Variants in KCNMB2 observed in about 807,000 individuals in gnomAD.
KCNMB2 encodes calcium-activated potassium channel subunit beta-2.
Under a neutral mutation model 24.5 loss-of-function variants are expected in KCNMB2, and 9 were observed. The ratio of observed to expected loss-of-function variants is 0.37; its 90% confidence interval spans 0.22 to 0.64. The LOEUF is 0.64. Ranked by LOEUF, KCNMB2 falls within the 30% of genes least tolerant of loss-of-function variation. KCNMB2 has a pLI of 0.63. For missense variants in KCNMB2, 226 were observed against 284.3 expected, an observed-to-expected ratio of 0.79 and a Z score of 1.47; for synonymous variants, 109 against 104.4, an observed-to-expected ratio of 1.04 and a Z score of -0.27.
At chr3:178,658,274 T>G (rs1720411352) in intron 1 of KCNMB2, among the ~76,000 whole-genome samples, 2 of 152,232 alleles carry the variant, frequency 1.3e-5, no homozygotes, top group South Asian at 4.1e-4. Context: ...GTTGTCAAAC[T>G]TCCAAAGTAT....
intron 1 of KCNMB2, among the ~76,000 whole-genome samples, chr3:178,736,398 G>C (rs575964910): frequency 6.6e-6 from 1 of 152,284 alleles, no homozygotes; most frequent in South Asian, 2.1e-4. Flanking sequence ...GCTAGACTGA[G>C]ACTCCTGCAT....
At chr3:178,702,428 T>C (rs1722134085) in intron 1 of KCNMB2, among the ~76,000 whole-genome samples, 1 of 150,214 alleles carries the variant, frequency 6.7e-6, no homozygotes, top group Non-Finnish European at 1.5e-5. Context: ...ACTTAAAAAG[T>C]ATAATAAATA....
intron 1 of KCNMB2, among the ~76,000 whole-genome samples, chr3:178,746,248 C>T (rs1723662814): frequency 6.6e-6 from 1 of 152,202 alleles, no homozygotes; most frequent in Admixed American, 6.5e-5. Context: ...TGTGTACTGG[C>T]AGTCTCAATA....
At chr3:178,766,610 T>C (rs553849153) in intron 1 of KCNMB2, among the ~76,000 whole-genome samples, 1 of 152,362 alleles carries the variant, frequency 6.6e-6, no homozygotes, top group Non-Finnish European at 1.5e-5. Context: ...ACTTCGTGCA[T>C]ATTTCTGATA....
chr3:178,621,845 C>G (rs551953517), intron 1 of KCNMB2, among the ~76,000 whole-genome samples: 2 of 152,276 alleles, frequency 1.3e-5, no homozygotes, highest in East Asian at 3.9e-4. Context: ...TTGGAAGTGA[C>G]TGCTCTTACC....
At chr3:178,553,685 G>A (rs1716031926) in intron 1 of KCNMB2, among the ~76,000 whole-genome samples, 2 of 151,922 alleles carry the variant, frequency 1.3e-5, no homozygotes, top group Admixed American at 6.6e-5. Context: ...TTATGGGCGC[G>A]CATGCTATCA....
At chr3:178,738,743 C>G (rs1035192847) in intron 1 of KCNMB2, among the ~76,000 whole-genome samples, 2 of 152,188 alleles carry the variant, frequency 1.3e-5, no homozygotes, top group African/African-American at 4.8e-5. Context: ...ACCTGCCTCC[C>G]AGCCCATTAG....
chr3:178,715,059 G>C (rs761607953), intron 1 of KCNMB2, among the ~76,000 whole-genome samples: 1 of 152,140 alleles, frequency 6.6e-6, no homozygotes, highest in African/African-American at 2.4e-5. Context: ...GATTTTGAAG[G>C]TTCCAGCCTA....
At chr3:178,709,212 CAGG>C (rs1411736662) in intron 1 of KCNMB2, among the ~76,000 whole-genome samples, 3 of 152,136 alleles carry the variant, frequency 2.0e-5, no homozygotes, top group African/African-American at 7.2e-5. Context: ...AAAATTCAAA[CAGG>C]AGGATTAACA....
chr3:178,546,390 G>A (rs1039521594), intron 1 of KCNMB2, among the ~76,000 whole-genome samples: 3 of 152,218 alleles, frequency 2.0e-5, no homozygotes, highest in African/African-American at 7.2e-5. Flanking sequence ...ATATAAAGTT[G>A]TAATTTTGAT....
chr3:178,678,206 G>A (rs1577090907), intron 1 of KCNMB2, among the ~76,000 whole-genome samples: 1 of 152,134 alleles, frequency 6.6e-6, no homozygotes, highest in Non-Finnish European at 1.5e-5. Context: ...TGAGACCAGT[G>A]CTTCCTTAGC....
intron 1 of KCNMB2, among the ~76,000 whole-genome samples, chr3:178,688,530 C>T (rs1217251791): frequency 6.6e-6 from 1 of 152,146 alleles, no homozygotes; most frequent in Non-Finnish European, 1.5e-5. Flanking sequence ...AAGCTGAAGA[C>T]TCCATAACAA....
At chr3:178,654,160 TA>T (rs1410416102) in intron 1 of KCNMB2, among the ~76,000 whole-genome samples, 1 of 152,170 alleles carries the variant, frequency 6.6e-6, no homozygotes, top group African/African-American at 2.4e-5. Flanking sequence ...TATTATATTA[TA>T]AACTTATTTT....
At chr3:178,755,434 G>C (rs6798237) in intron 1 of KCNMB2, among the ~76,000 whole-genome samples, 25,484 of 152,188 alleles carry the variant, frequency 0.17, 2,496 homozygotes, top group African/African-American at 0.25. Flanking sequence ...GCTTAATGTA[G>C]AGTAGGAAAA....
At chr3:178,560,118 G>T (rs1716264032) in intron 1 of KCNMB2, among the ~76,000 whole-genome samples, 1 of 148,980 alleles carries the variant, frequency 6.7e-6, no homozygotes, top group African/African-American at 2.4e-5. Flanking sequence ...TATAAATTAA[G>T]AACCACAAGA....
At chr3:178,588,358 T>G (rs1271510768) in intron 1 of KCNMB2, among the ~76,000 whole-genome samples, 3 of 152,216 alleles carry the variant, frequency 2.0e-5, no homozygotes, top group East Asian at 3.9e-4. Flanking sequence ...GATTAACAAT[T>G]TTCAGGGAAC....
At chr3:178,669,191 G>A (rs1720817911) in intron 1 of KCNMB2, among the ~76,000 whole-genome samples, 1 of 152,162 alleles carries the variant, frequency 6.6e-6, no homozygotes, top group African/African-American at 2.4e-5. Context: ...TCAAACATAA[G>A]TGAAGATGGA....
intron 2 of KCNMB2, among the ~76,000 whole-genome samples, chr3:178,816,831 T>C (rs1457591378): frequency 6.6e-6 from 1 of 152,134 alleles, no homozygotes; most frequent in African/African-American, 2.4e-5. Context: ...AGCCAAATAA[T>C]GTGGTCAATA....
chr3:178,841,385 T>G (rs1715421867), intron 4 of KCNMB2, among the ~76,000 whole-genome samples: 1 of 152,212 alleles, frequency 6.6e-6, no homozygotes, highest in Non-Finnish European at 1.5e-5. Context: ...CTTCTGCCTG[T>G]TACCCAGTTC....
Sources: allele counts gnomAD v4.1 joint callset (sites outside exome capture counted in the v4.1 genomes callset), GRCh38; gene constraint gnomAD v4.1.1; transcripts MANE v1.5; gene names NCBI Gene and HGNC (gene_info 2026-07-23, HGNC 2026-07-21).